ZNF385B: variants seen among roughly 807,000 people sequenced by gnomAD.
ZNF385B encodes the protein zinc finger protein 385B.
A neutral mutation model predicts 39.2 loss-of-function variants in ZNF385B; 23 were observed. The ratio of observed to expected loss-of-function variants is 0.59; its 90% CI spans 0.42 to 0.83. ZNF385B has a LOEUF of 0.83. Among genes scored for constraint, ZNF385B ranks in the 40% least tolerant of loss-of-function variants. The pLI is 0.00. For synonymous variants in ZNF385B, 205 were observed against 222.6 expected (o/e 0.92, Z 0.70); for missense variants, 552 against 598.9 (o/e 0.92, Z 0.82).
chr2:179,810,670 T>G (rs1706677332), intron 1 of ZNF385B, among the ~76,000 whole-genome samples: 1 of 152,044 alleles, frequency 6.6e-6, no homozygotes, highest in Non-Finnish European at 1.5e-5. Context: ...AAAATAAAAC[T>G]TTTGGAAGTA....
At chr2:179,725,593 A>G (rs1393980797) in intron 3 of ZNF385B, among the ~76,000 whole-genome samples, 8 of 151,366 alleles carry the variant, frequency 5.3e-5, no homozygotes, top group Admixed American at 6.6e-5. Context: ...TGTATTCATA[A>G]TGTTCTGTAT....
chr2:179,534,715 C>T (rs2059452640), intron 4 of ZNF385B: 1 of 152,232 alleles, frequency 6.6e-6, no homozygotes, highest in Non-Finnish European at 1.5e-5. Flanking sequence ...ACCTTGTTCT[C>T]CCCTTTATTC....
intron 1 of ZNF385B, among the ~76,000 whole-genome samples, chr2:179,783,288 A>AT (rs1450532206): frequency 5.9e-5 from 9 of 152,170 alleles, no homozygotes; most frequent in Non-Finnish European, 4.4e-5. Flanking sequence ...TATGTAGAAG[A>AT]TTGAAGCTGG....
At chr2:179,716,938 A>G (rs1262659844) in intron 3 of ZNF385B, among the ~76,000 whole-genome samples, 1 of 151,756 alleles carries the variant, frequency 6.6e-6, no homozygotes, top group African/African-American at 2.4e-5. Context: ...CCTACCTATA[A>G]CCATATGTCA....
intron 3 of ZNF385B, among the ~76,000 whole-genome samples, chr2:179,646,283 C>G (rs943108329): frequency 1.3e-5 from 2 of 152,166 alleles, no homozygotes; most frequent in Non-Finnish European, 2.9e-5. Context: ...GATATGGTGG[C>G]AGGCACCTGG....
intron 1 of ZNF385B, among the ~76,000 whole-genome samples, chr2:179,852,798 C>G (rs1684284039): frequency 6.6e-6 from 1 of 152,176 alleles, no homozygotes; most frequent in Admixed American, 6.5e-5. Flanking sequence ...TGAGTCAGAG[C>G]TTTCAAGGGT....
chr2:179,766,769 A>T (rs190582157), intron 3 of ZNF385B, among the ~76,000 whole-genome samples: 519 of 152,268 alleles, frequency 3.4e-3, no homozygotes, highest in South Asian at 7.5e-3. Context: ...TTAGAATTCC[A>T]ATATATTTTT....
intron 6 of ZNF385B, among the ~76,000 whole-genome samples, chr2:179,461,843 C>T (rs1164003894): frequency 6.6e-6 from 1 of 152,154 alleles, no homozygotes; most frequent in African/African-American, 2.4e-5. Flanking sequence ...CTATTCCACA[C>T]TCCCCAGGAC....
chr2:179,803,843 G>A (rs578115028), intron 1 of ZNF385B, among the ~76,000 whole-genome samples: 3 of 152,038 alleles, frequency 2.0e-5, no homozygotes, highest in Admixed American at 2.0e-4. Context: ...GGGATCTTTC[G>A]ATTATAAGAG....
At chr2:179,503,683 T>C (rs1265868867) in intron 5 of ZNF385B, among the ~76,000 whole-genome samples, 1 of 152,140 alleles carries the variant, frequency 6.6e-6, no homozygotes, top group Non-Finnish European at 1.5e-5. Flanking sequence ...TGTGTCCAAG[T>C]GTTCTCATTG....
chr2:179,679,319 G>A (rs1458002585), intron 3 of ZNF385B, among the ~76,000 whole-genome samples: 1 of 152,154 alleles, frequency 6.6e-6, no homozygotes, highest in African/African-American at 2.4e-5. Context: ...TGTTCCCACT[G>A]CAAAATCGCC....
intron 3 of ZNF385B, among the ~76,000 whole-genome samples, chr2:179,634,475 G>A (rs1691545515): frequency 6.6e-6 from 1 of 152,190 alleles, no homozygotes; most frequent in African/African-American, 2.4e-5. Context: ...CTGGTCATCA[G>A]AGAAATGCAA....
chr2:179,670,378 T>C (rs915395844), intron 3 of ZNF385B, among the ~76,000 whole-genome samples: 2 of 151,770 alleles, frequency 1.3e-5, no homozygotes, highest in Non-Finnish European at 2.9e-5. Flanking sequence ...GAGTGTGGAA[T>C]TGGGAGGAGA....
intron 3 of ZNF385B, among the ~76,000 whole-genome samples, chr2:179,653,366 C>T (rs1693394241): frequency 2.0e-5 from 3 of 152,182 alleles, no homozygotes; most frequent in African/African-American, 7.2e-5. Flanking sequence ...CTGGCAATGG[C>T]CTCTCTCTAG....
chr2:179,745,474 G>A (rs1702323592), intron 3 of ZNF385B, among the ~76,000 whole-genome samples: 1 of 152,154 alleles, frequency 6.6e-6, no homozygotes, highest in Non-Finnish European at 1.5e-5. Context: ...CTGGTAAGAT[G>A]TCCTCGGCAA....
At chr2:179,696,326 C>CTTTTTTT (rs71029828) in intron 3 of ZNF385B, among the ~76,000 whole-genome samples, 8,802 of 40,100 alleles carry the variant, frequency 0.22, 3,696 homozygotes, top group East Asian at 0.38. Flanking sequence ...CAAACTGGGA[C>CTTTTTTT]TTTTTTTTTT....
intron 6 of ZNF385B, 148 bp downstream of exon 6, chr2:179,483,124 A>G (rs769724216): frequency 2.1e-5 from 18 of 869,226 alleles, no homozygotes; most frequent in Non-Finnish European, 3.2e-5. Context: ...CTGTGCAAAC[A>G]TATAATCCTT....
At chr2:179,447,644 T>A (rs2049637496) in intron 6 of ZNF385B, among the ~76,000 whole-genome samples, 1 of 152,220 alleles carries the variant, frequency 6.6e-6, no homozygotes, top group East Asian at 1.9e-4. Flanking sequence ...CCATCACACA[T>A]TTAATCCTAG....
At chr2:179,682,156 C>T (rs1034673157) in intron 3 of ZNF385B, among the ~76,000 whole-genome samples, 1 of 152,214 alleles carries the variant, frequency 6.6e-6, no homozygotes, top group Non-Finnish European at 1.5e-5. Context: ...TTCTTGCTGA[C>T]ACCTTTGTCC....
Sources: allele counts gnomAD v4.1 joint callset (sites outside exome capture counted in the v4.1 genomes callset), GRCh38; gene constraint gnomAD v4.1.1; transcripts MANE v1.5; gene names NCBI Gene and HGNC (gene_info 2026-07-23, HGNC 2026-07-21).